TRABD2B: variants seen among roughly 807,000 people sequenced by gnomAD.
TRABD2B encodes the protein metalloprotease TIKI2.
Under a neutral mutation model 40.1 loss-of-function variants are expected in TRABD2B, and 14 were observed. The ratio of observed to expected loss-of-function variants is 0.35; its 90% CI spans 0.23 to 0.55. TRABD2B has a LOEUF of 0.55. Among genes scored for constraint, TRABD2B ranks in the 20% least tolerant of loss-of-function variants. The probability of loss-of-function intolerance (pLI) is 0.90; values close to 1 mark genes in which losing one functional copy is unlikely to be tolerated. For synonymous variants in TRABD2B, 263 were observed against 277.0 expected (o/e 0.95, Z 0.50); for missense variants, 541 against 648.6 (o/e 0.83, Z 1.80).
chr1:47,829,677 G>A (rs914882355), intron 2 of TRABD2B, among the ~76,000 whole-genome samples: 62 of 152,010 alleles, frequency 4.1e-4, no homozygotes, highest in African/African-American at 1.1e-3. Flanking sequence ...CACTTCACTC[G>A]TCATCAGTTC....
intron 2 of TRABD2B, among the ~76,000 whole-genome samples, chr1:47,815,474 C>G (rs533108601): frequency 2.0e-5 from 3 of 152,260 alleles, no homozygotes; most frequent in Admixed American, 1.3e-4. Context: ...TCTCAAGGAG[C>G]CTCAGGCTCA....
chr1:47,835,935 T>A (rs193258741), intron 2 of TRABD2B, among the ~76,000 whole-genome samples: 1 of 152,306 alleles, frequency 6.6e-6, no homozygotes, highest in Non-Finnish European at 1.5e-5. Flanking sequence ...ATTTGTGACT[T>A]TTTTCCACTG....
At chr1:47,779,245 G>A (rs1644487970) in intron 4 of TRABD2B, among the ~76,000 whole-genome samples, 3 of 92,078 alleles carry the variant, frequency 3.3e-5, no homozygotes, top group Admixed American at 1.2e-4. Context: ...TAAGATCCCA[G>A]CCGGGGTAAC....
intron 2 of TRABD2B, among the ~76,000 whole-genome samples, chr1:47,926,589 C>G (rs1644972092): frequency 6.6e-6 from 1 of 152,194 alleles, no homozygotes; most frequent in Non-Finnish European, 1.5e-5. Context: ...CCTCCAGATC[C>G]TCCCATGCTG....
At chr1:47,912,174 C>T (rs577125526) in intron 2 of TRABD2B, among the ~76,000 whole-genome samples, 2 of 152,300 alleles carry the variant, frequency 1.3e-5, no homozygotes, top group Admixed American at 1.3e-4. Flanking sequence ...GAGCAACAGG[C>T]ATTTCTGAGC....
intron 2 of TRABD2B, among the ~76,000 whole-genome samples, chr1:47,936,226 G>A (rs1435747810): frequency 6.6e-6 from 1 of 152,200 alleles, no homozygotes; most frequent in Non-Finnish European, 1.5e-5. Flanking sequence ...TTTACTTGGG[G>A]CTGAGGTCAT....
In TRABD2B at chr1:47,996,625, A is replaced by G. The variant is rs1162679521; in HGVS notation, c.102+63T>C. ...TGGGTGCGGAAGCAGGACCCAAACC[A>G]TGGTCCCACGGGACTAGAATACCCA... On this transcript the variant is annotated intron_variant, in intron 1 of 6. Coordinates refer to ENST00000606738, the MANE Select transcript of TRABD2B (RefSeq NM_001194986.2). This position sits in a 1 kb window ranked among gnomAD's most constrained non-coding sequence, Gnocchi z 4.6. 8.2e-7 allele frequency: 1 copy of G among 1,214,896 alleles called. No homozygotes were observed. The highest frequency in any genetic ancestry group is 1.0e-6 in the Non-Finnish European group (1 of 975,582). 75.3% of individuals were successfully genotyped at this position (1,214,896 alleles called of 1,614,324 possible).
intron 2 of TRABD2B, among the ~76,000 whole-genome samples, chr1:47,868,379 G>A (rs1283279558): frequency 1.3e-5 from 2 of 152,192 alleles, no homozygotes; most frequent in African/African-American, 4.8e-5. Context: ...GAGAGAATGA[G>A]GTCATGGTTG....
intron 2 of TRABD2B, among the ~76,000 whole-genome samples, chr1:47,851,702 G>A (rs773828567): frequency 6.6e-6 from 1 of 152,184 alleles, no homozygotes; most frequent in Admixed American, 6.5e-5. Flanking sequence ...GGGCCACTGT[G>A]AGAATTAGTT....
chr1:47,909,438 G>GA (rs1553164224), intron 2 of TRABD2B, among the ~76,000 whole-genome samples: 11 of 148,842 alleles, frequency 7.4e-5, no homozygotes, highest in Admixed American at 2.7e-4. Context: ...GAGAGAGAGA[G>GA]AGAAGAAGAA....
rs2148467109 is a variant in TRABD2B, at chr1:47,994,523, G to A, written c.177C>T (p.Val59=). 6.5e-7 allele frequency: 1 copy of A among 1,536,170 alleles called. No individual in the cohort carries two copies. Reference sequence around the variant, plus strand: ...TGAAGTCCCAGACGCGGGTGTAGGGGACGTGAATAGTGCCAAACAGGTAGG... The same window carrying A: ...TGAAGTCCCAGACGCGGGTGTAGGGAACGTGAATAGTGCCAAACAGGTAGG... ...PPAYLFGTIH[V]PYTRVWDFIP... The change falls in exon 2 of 7, where the codon GTC becomes GTT. Residue 59 remains valine (V), a synonymous_variant. Coordinates refer to ENST00000606738, the MANE Select transcript of TRABD2B (RefSeq NM_001194986.2). The surrounding 1 kb of genome is among the most constrained non-coding windows in gnomAD (Gnocchi z 6.7).
rs145579001 is a variant in TRABD2B at position 47,764,619 on chromosome 1, C to A, written c.*1283G>T. 11 of 152,330 alleles carry A rather than the reference C, an allele frequency of 7.2e-5. No individual in the cohort carries two copies. In the East Asian group the frequency reaches 2.1e-3, roughly 29 times the overall value. 9.4% of individuals were successfully genotyped at this position (152,330 alleles called of 1,614,324 possible). ...CAGGACATGCGACACATGGCACATGCAGTTGCCAGAGCCCTTTGGCCAGAG... is the reference window on the plus strand; with the variant it reads ...CAGGACATGCGACACATGGCACATGAAGTTGCCAGAGCCCTTTGGCCAGAG... On this transcript the variant is annotated 3_prime_UTR_variant, in exon 7 of 7. Transcript: ENST00000606738.
intron 2 of TRABD2B, among the ~76,000 whole-genome samples, chr1:47,968,445 T>C (rs1056144572): frequency 2.0e-5 from 3 of 152,206 alleles, no homozygotes; most frequent in Non-Finnish European, 4.4e-5. Flanking sequence ...AACTCTTAGC[T>C]GTCTGGGCAG....
chr1:47,782,290 C>G (rs147210686), intron 4 of TRABD2B, among the ~76,000 whole-genome samples: 1 of 152,206 alleles, frequency 6.6e-6, no homozygotes, highest in Non-Finnish European at 1.5e-5. Flanking sequence ...TTCCCAGAGG[C>G]CCCCTGCTGT....
intron 2 of TRABD2B, among the ~76,000 whole-genome samples, chr1:47,937,174 CCAT>C (rs1393704959): frequency 7.3e-5 from 11 of 150,388 alleles, no homozygotes; most frequent in African/African-American, 4.9e-5. Flanking sequence ...ACCACCACCA[CCAT>C]CATTATCATC....
intron 2 of TRABD2B, among the ~76,000 whole-genome samples, chr1:47,881,272 T>C (rs920462768): frequency 6.6e-6 from 1 of 152,166 alleles, no homozygotes; most frequent in African/African-American, 2.4e-5. Flanking sequence ...TGTGAATGGA[T>C]CTGTTGTCTC....
chr1:47,866,118 A>G (rs572611727), intron 2 of TRABD2B, among the ~76,000 whole-genome samples: 1 of 152,088 alleles, frequency 6.6e-6, no homozygotes, highest in African/African-American at 2.4e-5. Context: ...GTGCGCAAGC[A>G]GGAAGGTGAG....
chr1:47,888,639 T>C (rs183496500), intron 2 of TRABD2B, among the ~76,000 whole-genome samples: 10 of 152,200 alleles, frequency 6.6e-5, no homozygotes, highest in Admixed American at 6.5e-4. Context: ...ACCCATATCC[T>C]CTTCTTTCCA....
At chr1:47,874,843 C>G (rs1423008087) in intron 2 of TRABD2B, among the ~76,000 whole-genome samples, 1 of 151,736 alleles carries the variant, frequency 6.6e-6, no homozygotes, top group African/African-American at 2.4e-5. Flanking sequence ...CACAGCCTCC[C>G]AAGTGCTGGG....
Sources: gnomAD v4.1 joint callset for allele counts (sites outside exome capture counted in the v4.1 genomes callset) on GRCh38, gnomAD v4.1.1 for gene constraint, Gnocchi (gnomAD v3.1) non-coding constraint, MANE v1.5 for transcripts, NCBI Gene and HGNC (gene_info 2026-07-23, HGNC 2026-07-21) for gene names.